The following MTCL3 variants were observed in gnomAD, a reference collection of about 807,000 sequenced individuals.
MTCL3 encodes the protein MTCL family member 3.
chr6:127,478,830 A>G, the MTCL3 span, among the ~76,000 whole-genome samples: 1 of 152,050 alleles, frequency 6.6e-6, no homozygotes, highest in South Asian at 2.1e-4. Flanking sequence ...CAGCCTGGCT[A>G]ATAGGGTGAA....
At chr6:127,517,983 T>C in the MTCL3 span, among the ~76,000 whole-genome samples, 1 of 152,250 alleles carries the variant, frequency 6.6e-6, no homozygotes, top group South Asian at 2.1e-4. Context: ...TAACATCTAT[T>C]GTTAGCATCA....
the MTCL3 span, among the ~76,000 whole-genome samples, chr6:127,496,445 C>T: frequency 2.6e-5 from 4 of 152,018 alleles, no homozygotes; most frequent in East Asian, 3.9e-4. Flanking sequence ...TATAAGCTAT[C>T]GAATGTATGG....
the MTCL3 span, chr6:127,515,373 A>G: frequency 4.7e-5 from 35 of 745,506 alleles, no homozygotes; most frequent in Non-Finnish European, 5.9e-5. This position sits in a 1 kb window ranked among gnomAD's most constrained non-coding sequence, Gnocchi z 4.3. Context: ...GGCCTAGGAA[A>G]CCCCCTCCCT....
At chr6:127,477,270 A>G in the MTCL3 span, among the ~76,000 whole-genome samples, 4 of 152,312 alleles carry the variant, frequency 2.6e-5, no homozygotes, top group East Asian at 7.7e-4. Flanking sequence ...AGAATAGTGG[A>G]ACTATAGAAG....
At chr6:127,515,553 C>T in the MTCL3 span, 5 of 1,472,002 alleles carry the variant, frequency 3.4e-6, no homozygotes, top group African/African-American at 1.5e-5. The surrounding 1 kb of genome is among the most constrained non-coding windows in gnomAD (Gnocchi z 4.3). Flanking sequence ...TCTCCATCTC[C>T]TCTTGCATTT....
chr6:127,512,899 T>C, the MTCL3 span: 7 of 1,610,124 alleles, frequency 4.3e-6, no homozygotes, highest in Non-Finnish European at 5.1e-6. Flanking sequence ...ACCTCTTTCA[T>C]TTTTTCCAGT....
the MTCL3 span, among the ~76,000 whole-genome samples, chr6:127,495,049 T>C: frequency 2.0e-5 from 3 of 151,584 alleles, no homozygotes; most frequent in Non-Finnish European, 4.4e-5. Context: ...TACAAAAAAG[T>C]AGCCGGGCAT....
chr6:127,514,890 C>T, the MTCL3 span: 4 of 1,614,054 alleles, frequency 2.5e-6, no homozygotes, highest in East Asian at 8.9e-5. Flanking sequence ...GTAGCGGAGC[C>T]TTTTGCGCTC....
chr6:127,515,737 A>G, the MTCL3 span: 1 of 1,597,136 alleles, frequency 6.3e-7, no homozygotes, highest in Non-Finnish European at 8.5e-7. This position sits in a 1 kb window ranked among gnomAD's most constrained non-coding sequence, Gnocchi z 4.3. Flanking sequence ...GGGGCCAGAC[A>G]CCGGGGAGCT....
At chr6:127,509,984 A>G in the MTCL3 span, among the ~76,000 whole-genome samples, 4 of 152,202 alleles carry the variant, frequency 2.6e-5, no homozygotes, top group Admixed American at 2.6e-4. Context: ...ATAATTATAG[A>G]GAACTCCTAC....
At chr6:127,483,342 G>A in the MTCL3 span, among the ~76,000 whole-genome samples, 8 of 152,224 alleles carry the variant, frequency 5.3e-5, no homozygotes, top group South Asian at 2.1e-4. Flanking sequence ...AGGAAAAAAA[G>A]TAAGTTATTA....
At chr6:127,482,922 A>G in the MTCL3 span, 1 of 1,606,800 alleles carries the variant, frequency 6.2e-7, no homozygotes, top group South Asian at 1.1e-5. The surrounding 1 kb of genome is among the most constrained non-coding windows in gnomAD (Gnocchi z 4.1). Context: ...CCTCTGTGGG[A>G]GTCTGTTGAG....
At chr6:127,492,017 G>C in the MTCL3 span, among the ~76,000 whole-genome samples, 2 of 151,586 alleles carry the variant, frequency 1.3e-5, no homozygotes, top group Non-Finnish European at 1.5e-5. Context: ...TTGAGAGATT[G>C]TACAATTCTG....
At chr6:127,501,157 T>G in the MTCL3 span, among the ~76,000 whole-genome samples, 3 of 152,220 alleles carry the variant, frequency 2.0e-5, no homozygotes, top group Admixed American at 1.3e-4. Context: ...TTGGGAAAAC[T>G]GAGAATTGTA....
the MTCL3 span, among the ~76,000 whole-genome samples, chr6:127,494,869 A>G: frequency 6.6e-6 from 1 of 152,120 alleles, no homozygotes; most frequent in Non-Finnish European, 1.5e-5. Flanking sequence ...CACCCAAGCA[A>G]ATGGATTTAA....
At chr6:127,477,100 CCT>C in the MTCL3 span, among the ~76,000 whole-genome samples, 51 of 152,258 alleles carry the variant, frequency 3.3e-4, no homozygotes, top group Middle Eastern at 6.8e-3. Context: ...TAATCTGCCC[CCT>C]GTTTTTATTC....
At chr6:127,502,521 T>A in the MTCL3 span, among the ~76,000 whole-genome samples, 1 of 152,144 alleles carries the variant, frequency 6.6e-6, no homozygotes, top group Non-Finnish European at 1.5e-5. Context: ...TAGCATGGCT[T>A]TATAATGAAG....
At chr6:127,475,995 G>A in the MTCL3 span, 1 of 1,610,714 alleles carries the variant, frequency 6.2e-7, no homozygotes, top group Non-Finnish European at 8.5e-7. This position sits in a 1 kb window ranked among gnomAD's most constrained non-coding sequence, Gnocchi z 7.3. Context: ...TGTACTTGTT[G>A]AGCTCCGCCG....
At chr6:127,504,358 A>T in the MTCL3 span, among the ~76,000 whole-genome samples, 1 of 152,226 alleles carries the variant, frequency 6.6e-6, no homozygotes, top group African/African-American at 2.4e-5. Flanking sequence ...GTGGGCAATG[A>T]CTATCCACCT....
Sources: allele counts gnomAD v4.1 joint callset (sites outside exome capture counted in the v4.1 genomes callset), GRCh38; gene constraint gnomAD v4.1.1; non-coding constraint Gnocchi (gnomAD v3.1); transcripts MANE v1.5; gene names NCBI Gene and HGNC (gene_info 2026-07-23, HGNC 2026-07-21).